PIP4K2A: variants seen among roughly 807,000 people sequenced by gnomAD.
The protein encoded by PIP4K2A is phosphatidylinositol-5-phosphate 4-kinase type 2 alpha.
A neutral mutation model predicts 42.9 loss-of-function variants in PIP4K2A; 14 were observed. The observed-to-expected ratio is 0.33, with a 90% CI of 0.22 to 0.51. PIP4K2A has a LOEUF of 0.51. Among genes scored for constraint, PIP4K2A ranks in the 20% least tolerant of loss-of-function variants. The pLI is 0.97. For synonymous variants in PIP4K2A, 192 were observed against 192.2 expected (o/e 1.00, Z 0.01); for missense variants, 434 against 519.8 (o/e 0.83, Z 1.61).
chr10:22,604,817 G>A (rs1464485321), intron 3 of PIP4K2A, among the ~76,000 whole-genome samples: 1 of 152,188 alleles, frequency 6.6e-6, no homozygotes, highest in Non-Finnish European at 1.5e-5. Context: ...CGCCACATGT[G>A]CCAAATGATA....
intron 1 of PIP4K2A, among the ~76,000 whole-genome samples, chr10:22,683,791 C>A (rs973284853): frequency 1.5e-4 from 22 of 151,660 alleles, no homozygotes; most frequent in Admixed American, 3.9e-4. Context: ...TCGCCCCTCC[C>A]TTAGCCTTTC....
chr10:22,543,948 G>C (rs1225650926), intron 7 of PIP4K2A, among the ~76,000 whole-genome samples: 1 of 152,214 alleles, frequency 6.6e-6, no homozygotes, highest in African/African-American at 2.4e-5. Context: ...AGGCTCAGCA[G>C]CTGGACGAGA....
At chr10:22,658,412 G>A (rs900408612) in intron 1 of PIP4K2A, among the ~76,000 whole-genome samples, 37 of 152,144 alleles carry the variant, frequency 2.4e-4, no homozygotes, top group Non-Finnish European at 4.6e-4. Context: ...AGGGACCACG[G>A]TATATTAATG....
intron 6 of PIP4K2A, among the ~76,000 whole-genome samples, chr10:22,566,577 C>T (rs117420163): frequency 0.015 from 2,258 of 152,286 alleles, 24 homozygotes; most frequent in Non-Finnish European, 0.022. Context: ...CCAGCTCCGG[C>T]CAGCATCTTC....
intron 1 of PIP4K2A, among the ~76,000 whole-genome samples, chr10:22,641,400 T>C (rs554530328): frequency 2.4e-4 from 36 of 152,304 alleles, no homozygotes; most frequent in South Asian, 6.2e-4. Context: ...TGTTCTGTTA[T>C]ATAGATTTCA....
intron 1 of PIP4K2A, among the ~76,000 whole-genome samples, chr10:22,647,241 C>T (rs1273703756): frequency 6.6e-6 from 1 of 151,924 alleles, no homozygotes; most frequent in Non-Finnish European, 1.5e-5. Flanking sequence ...TTTTTGGTAG[C>T]AAGATACAGG....
intron 1 of PIP4K2A, among the ~76,000 whole-genome samples, chr10:22,647,139 T>C (rs995263785): frequency 1.3e-5 from 2 of 152,214 alleles, no homozygotes; most frequent in African/African-American, 4.8e-5. Flanking sequence ...GAATAGGAAA[T>C]GCAAGGCTTC....
chr10:22,552,383 C>A (rs148932763), intron 6 of PIP4K2A, among the ~76,000 whole-genome samples: 2 of 152,176 alleles, frequency 1.3e-5, no homozygotes, highest in Admixed American at 1.3e-4. Context: ...GAGAATGCAA[C>A]GCCATTCTTC....
chr10:22,713,419 G>T (rs953212078), intron 1 of PIP4K2A, among the ~76,000 whole-genome samples: 3 of 151,950 alleles, frequency 2.0e-5, no homozygotes, highest in African/African-American at 7.3e-5. Context: ...TCCGCAGTCG[G>T]TGACTTCTGC....
chr10:22,703,032 T>A (rs1564472461), intron 1 of PIP4K2A, among the ~76,000 whole-genome samples: 1 of 152,104 alleles, frequency 6.6e-6, no homozygotes, highest in Non-Finnish European at 1.5e-5. Flanking sequence ...TCCCTTAGCT[T>A]AGGAGGTCAG....
At chr10:22,618,532 C>A (rs1175705159) in intron 1 of PIP4K2A, among the ~76,000 whole-genome samples, 1 of 152,188 alleles carries the variant, frequency 6.6e-6, no homozygotes, top group Non-Finnish European at 1.5e-5. Flanking sequence ...TTCACTTGTT[C>A]TCCACAAAGG....
At chr10:22,697,659 G>A (rs986276384) in intron 1 of PIP4K2A, among the ~76,000 whole-genome samples, 8 of 152,140 alleles carry the variant, frequency 5.3e-5, no homozygotes, top group East Asian at 3.9e-4. Context: ...CCAAGAATTC[G>A]AGGCTGTAGT....
intron 1 of PIP4K2A, among the ~76,000 whole-genome samples, chr10:22,703,295 G>A (rs1463425630): frequency 6.6e-6 from 1 of 152,134 alleles, no homozygotes; most frequent in African/African-American, 2.4e-5. Flanking sequence ...TGTAGTCCCA[G>A]CTACATAGGA....
intron 1 of PIP4K2A, among the ~76,000 whole-genome samples, chr10:22,649,027 T>C (rs941695386): frequency 1.3e-5 from 2 of 152,214 alleles, no homozygotes; most frequent in African/African-American, 4.8e-5. Context: ...CTAATAAAAA[T>C]AATTTACTAA....
At chr10:22,641,279 A>G (rs1411658517) in intron 1 of PIP4K2A, among the ~76,000 whole-genome samples, 1 of 152,206 alleles carries the variant, frequency 6.6e-6, no homozygotes, top group Non-Finnish European at 1.5e-5. Flanking sequence ...TTCTACCCAC[A>G]GCCTGCAGAA....
intron 6 of PIP4K2A, among the ~76,000 whole-genome samples, chr10:22,558,384 C>G (rs1329912371): frequency 6.6e-6 from 1 of 152,082 alleles, no homozygotes; most frequent in African/African-American, 2.4e-5. Flanking sequence ...TATGTTGGAG[C>G]TAGGATAAAA....
At chr10:22,684,645 G>A (rs1466141167) in intron 1 of PIP4K2A, among the ~76,000 whole-genome samples, 3 of 152,062 alleles carry the variant, frequency 2.0e-5, no homozygotes, top group East Asian at 1.9e-4. Context: ...GTATCAGCTC[G>A]AGCTCCCTGG....
At chr10:22,687,630 G>A (rs1257489883) in intron 1 of PIP4K2A, among the ~76,000 whole-genome samples, 5 of 152,000 alleles carry the variant, frequency 3.3e-5, no homozygotes, top group Admixed American at 2.6e-4. Context: ...ACAACCGGTT[G>A]CAGGAATCCC....
intron 7 of PIP4K2A, among the ~76,000 whole-genome samples, chr10:22,545,152 G>A (rs758583901): frequency 3.3e-5 from 5 of 152,184 alleles, no homozygotes; most frequent in African/African-American, 9.7e-5. Flanking sequence ...TTCCCTATCC[G>A]TCCCAACTCT....
Sources: gnomAD v4.1 joint callset for allele counts (sites outside exome capture counted in the v4.1 genomes callset) on GRCh38, gnomAD v4.1.1 for gene constraint, MANE v1.5 for transcripts, NCBI Gene and HGNC (gene_info 2026-07-23, HGNC 2026-07-21) for gene names.